Variants in NAALADL2 observed in about 807,000 individuals in gnomAD.
NAALADL2 encodes the protein inactive N-acetylated-alpha-linked acidic dipeptidase-like protein 2.
In NAALADL2, 76 loss-of-function variants were observed where a neutral mutation model predicts 87.2. The ratio of observed to expected loss-of-function variants is 0.87; its 90% CI spans 0.72 to 1.05. The LOEUF (loss-of-function observed/expected upper bound fraction) is 1.05. Among genes scored for constraint, NAALADL2 ranks in the 50% least tolerant of loss-of-function variants. The pLI is 0.00. For synonymous variants in NAALADL2, 354 were observed against 331.0 expected (o/e 1.07, Z -0.75); for missense variants, 1,089 against 945.8 (o/e 1.15, Z -1.99).
chr3:174,924,925 T>G (rs1022257712), intron 1 of NAALADL2, among the ~76,000 whole-genome samples: 3 of 152,196 alleles, frequency 2.0e-5, no homozygotes, highest in African/African-American at 7.2e-5. Context: ...TTGTTTGTTT[T>G]TTTCTTGTAA....
At chr3:175,280,160 C>A (rs1167716763) in intron 4 of NAALADL2, among the ~76,000 whole-genome samples, 1 of 151,976 alleles carries the variant, frequency 6.6e-6, no homozygotes, top group Non-Finnish European at 1.5e-5. Context: ...TAAGGAATTT[C>A]TGTTTCTTCT....
chr3:175,794,792 A>G (rs556026663), intron 13 of NAALADL2, among the ~76,000 whole-genome samples: 1 of 152,316 alleles, frequency 6.6e-6, no homozygotes, highest in South Asian at 2.1e-4. Context: ...TCATATTTAA[A>G]AAAATTATGC....
intron 1 of NAALADL2, among the ~76,000 whole-genome samples, chr3:174,937,878 T>C (rs186185532): frequency 3.5e-4 from 54 of 152,224 alleles, no homozygotes; most frequent in Non-Finnish European, 6.9e-4. Context: ...TATATAGATA[T>C]ACCCTCCTCT....
Position 175,390,986 on chromosome 3 carries a change from A to G in NAALADL2, c.1091-56243A>G, listed in dbSNP as rs114690607. On this transcript the variant is annotated intron_variant, in intron 5 of 13. Coordinates refer to ENST00000454872, the MANE Select transcript of NAALADL2 (RefSeq NM_207015.3). ...TTACTCTTCCCACAATTATGTCCCA[A>G]TGAGGCCTATTTCTGTCAGGGTGTG... Among the ~76,000 whole-genome samples, 423 of 152,266 alleles carry G rather than the reference A, an allele frequency of 2.8e-3. 1 individual carries two copies. Among genetic ancestry groups the G allele is most frequent in the African/African-American group, 9.4e-3 (390 of 41,566 alleles).
intron 2 of NAALADL2, among the ~76,000 whole-genome samples, chr3:175,178,288 T>TA (rs1210495494): frequency 1.3e-5 from 2 of 151,806 alleles, no homozygotes; most frequent in Non-Finnish European, 2.9e-5. Context: ...GTGCATTTAA[T>TA]AAAAAAAGGG....
chr3:174,530,493 C>T (rs561590365), intron 1 of NAALADL2, among the ~76,000 whole-genome samples: 3 of 152,266 alleles, frequency 2.0e-5, no homozygotes, highest in Admixed American at 6.5e-5. Flanking sequence ...TCTGCTAGTA[C>T]GAATTTACTG....
chr3:175,251,790 C>G (rs1749115233), intron 3 of NAALADL2, among the ~76,000 whole-genome samples: 1 of 152,126 alleles, frequency 6.6e-6, no homozygotes, highest in East Asian at 1.9e-4. Context: ...CAAAAAGGAT[C>G]TAGTTTTAAG....
chr3:175,136,620 C>A (rs1291737061), intron 2 of NAALADL2, among the ~76,000 whole-genome samples: 1 of 68,638 alleles, frequency 1.5e-5, no homozygotes, highest in African/African-American at 4.7e-5. Context: ...AGAGAAAAAT[C>A]AAAATCCAGT....
chr3:174,452,826 A>G (rs905797289), intron 1 of NAALADL2, among the ~76,000 whole-genome samples: 1 of 152,174 alleles, frequency 6.6e-6, no homozygotes, highest in Non-Finnish European at 1.5e-5. Flanking sequence ...GCCCACAAGG[A>G]TGAGAAAGAA....
chr3:175,530,976 C>T (rs1281908412), intron 9 of NAALADL2, among the ~76,000 whole-genome samples: 3 of 152,208 alleles, frequency 2.0e-5, no homozygotes, highest in Non-Finnish European at 2.9e-5. Flanking sequence ...ATGGCAGGGC[C>T]TTACTCCAAA....
intron 1 of NAALADL2, among the ~76,000 whole-genome samples, chr3:174,889,686 C>T (rs1195632326): frequency 6.6e-6 from 1 of 151,974 alleles, no homozygotes; most frequent in Non-Finnish European, 1.5e-5. Flanking sequence ...GACTAAATTG[C>T]CTTGCCTTTC....
intron 4 of NAALADL2, among the ~76,000 whole-genome samples, chr3:175,292,735 G>A (rs894290632): frequency 1.3e-5 from 2 of 151,784 alleles, no homozygotes; most frequent in African/African-American, 2.4e-5. Flanking sequence ...AAGGTCTAGG[G>A]ACATAAAAAT....
At chr3:174,627,809 AG>A (rs1721724896) in intron 2 of NAALADL2, among the ~76,000 whole-genome samples, 1 of 152,242 alleles carries the variant, frequency 6.6e-6, no homozygotes, top group South Asian at 2.1e-4. Flanking sequence ...ATGGAGCTGG[AG>A]GCCATTGTCA....
intron 9 of NAALADL2, among the ~76,000 whole-genome samples, chr3:175,555,578 A>G (rs1715136246): frequency 6.6e-6 from 1 of 152,206 alleles, no homozygotes; most frequent in Admixed American, 6.5e-5. Flanking sequence ...AATATAAAAT[A>G]CATATTTGTT....
intron 2 of NAALADL2, among the ~76,000 whole-genome samples, chr3:174,654,228 T>C (rs1164299094): frequency 2.6e-5 from 4 of 152,160 alleles, no homozygotes; most frequent in Admixed American, 1.3e-4. Context: ...CATAAAATTT[T>C]GTTAAGGTCT....
chr3:174,813,158 T>C (rs2109302750), intron 3 of NAALADL2, among the ~76,000 whole-genome samples: 1 of 152,342 alleles, frequency 6.6e-6, no homozygotes, highest in African/African-American at 2.4e-5. Flanking sequence ...ACAGGTGTAC[T>C]GTTCTCTTCT....
chr3:174,689,092 A>G (rs1396472270), intron 2 of NAALADL2, among the ~76,000 whole-genome samples: 1 of 152,178 alleles, frequency 6.6e-6, no homozygotes. Context: ...TAGCAATAAT[A>G]GACTTTGTGT....
At chr3:175,414,867 C>A (rs114778478) in intron 5 of NAALADL2, among the ~76,000 whole-genome samples, 53 of 152,044 alleles carry the variant, frequency 3.5e-4, no homozygotes, top group Non-Finnish European at 7.2e-4. Context: ...TTTGCAAAGA[C>A]AAAAAGATAT....
At chr3:174,763,443 T>A (rs1683504444) in intron 3 of NAALADL2, among the ~76,000 whole-genome samples, 1 of 151,106 alleles carries the variant, frequency 6.6e-6, no homozygotes, top group Non-Finnish European at 1.5e-5. Context: ...AAAAATTAGC[T>A]GGGCGTGGTG....
Sources: allele counts gnomAD v4.1 joint callset (sites outside exome capture counted in the v4.1 genomes callset), GRCh38; gene constraint gnomAD v4.1.1; transcripts MANE v1.5; gene names NCBI Gene and HGNC (gene_info 2026-07-23, HGNC 2026-07-21).